The following NRCAM variants were observed in gnomAD, a reference collection of about 807,000 sequenced individuals.
NRCAM encodes neuronal cell adhesion molecule.
Under a neutral mutation model 156.5 loss-of-function variants are expected in NRCAM, and 83 were observed. The ratio of observed to expected loss-of-function variants is 0.53; its 90% CI spans 0.44 to 0.64. The LOEUF (loss-of-function observed/expected upper bound fraction) is 0.64, where lower values mean the gene tolerates loss of function less well. Ranked by LOEUF, NRCAM falls within the 30% of genes least tolerant of loss-of-function variation. NRCAM has a pLI of 0.00. For synonymous variants in NRCAM, 538 were observed against 563.9 expected, an observed-to-expected ratio of 0.95 and a Z score of 0.65; for missense variants, 1,417 against 1,597.3, an observed-to-expected ratio of 0.89 and a Z score of 1.92.
chr7:108,159,739 T>C (rs1385693445), intron 31 of NRCAM, among the ~76,000 whole-genome samples, 198 bp from the exon 32 acceptor site: 1 of 152,170 alleles, frequency 6.6e-6, no homozygotes, highest in Non-Finnish European at 1.5e-5. Context: ...AGAATGTACA[T>C]TTTTTAACAC....
intron 2 of NRCAM, 78 bp from the exon 3 acceptor site, chr7:108,312,809 TCCAA>T (rs1477612834): frequency 6.6e-6 from 1 of 152,094 alleles, no homozygotes; most frequent in African/African-American, 2.4e-5. Context: ...ATATATTAAC[TCCAA>T]CTGGCTCTCT....
rs770894721 is a variant in NRCAM at position 108,430,909 on chromosome 7, T to C, written c.-332+25334A>G. Among the ~76,000 whole-genome samples the C allele has an allele frequency of 3.8e-4, 58 of 152,246 alleles. No homozygotes were observed. The Middle Eastern group carries it at 0.01, about 27-fold the overall frequency. ...CTCCAGCACCCAACCCATACTGCAC[T>C]GTAAGGTTTTGCTTGCAGGTTCCTC... On this transcript the variant is annotated intron_variant, in intron 1 of 32. Coordinates refer to ENST00000379028, the MANE Select transcript of NRCAM (RefSeq NM_001037132.4).
At chr7:108,157,566 T>G (rs1333080772) in intron 32 of NRCAM, among the ~76,000 whole-genome samples, 1 of 152,090 alleles carries the variant, frequency 6.6e-6, no homozygotes, top group Admixed American at 6.6e-5. Flanking sequence ...TCAACCTCCA[T>G]TTTTTAGAAC....
chr7:108,322,519 C>T (rs986570040), intron 2 of NRCAM, among the ~76,000 whole-genome samples: 7 of 152,150 alleles, frequency 4.6e-5, no homozygotes, highest in Admixed American at 2.6e-4. Flanking sequence ...GTTTTAGTTA[C>T]ACTGATTTTT....
At chr7:108,416,942 C>T (rs1007931945) in intron 1 of NRCAM, among the ~76,000 whole-genome samples, 3 of 152,146 alleles carry the variant, frequency 2.0e-5, no homozygotes, top group Non-Finnish European at 4.4e-5. Context: ...TGTTCATTTC[C>T]CTGAGCAATT....
At chr7:108,276,981 C>T (rs2097656269) in intron 3 of NRCAM, among the ~76,000 whole-genome samples, 2 of 152,108 alleles carry the variant, frequency 1.3e-5, no homozygotes, top group African/African-American at 2.4e-5. Context: ...TTTTATGTCT[C>T]CTTCACTTTT....
At chr7:108,230,213 CCT>C (rs1289088839) in intron 8 of NRCAM, among the ~76,000 whole-genome samples, 1 of 151,694 alleles carries the variant, frequency 6.6e-6, no homozygotes, top group African/African-American at 2.4e-5. Context: ...ATCCTTGATT[CCT>C]CTCTCTCATG....
At position 108,303,381 on chromosome 7, in the gene NRCAM, G is replaced by A. The variant is rs140988041; in HGVS notation, c.-107+9284C>T. On this transcript the variant is annotated intron_variant, in intron 3 of 32. Transcript: ENST00000379028. ...TCAGTTGGCAAATATACTGTGTACCGTCTCCTCTTCAGCCCCTCTGCTAGG... is the reference window on the plus strand; with the variant it reads ...TCAGTTGGCAAATATACTGTGTACCATCTCCTCTTCAGCCCCTCTGCTAGG... Among the ~76,000 whole-genome samples the A allele has an allele frequency of 2.8e-3, 423 of 152,116 alleles. 1 individual carries two copies. The highest frequency in any genetic ancestry group is 9.6e-3 in the African/African-American group (397 of 41,502).
chr7:108,360,336 TTAAC>T (rs2099540956), intron 2 of NRCAM, among the ~76,000 whole-genome samples: 3 of 152,148 alleles, frequency 2.0e-5, no homozygotes. Context: ...GCAAGATTAA[TTAAC>T]TGCTGAAAAT....
rs115784913 is a variant in NRCAM, at chr7:108,223,186, A to C, written c.890+539T>G. Among the ~76,000 whole-genome samples the C allele has an allele frequency of 4.8e-3, 726 of 152,304 alleles. 9 individuals are homozygous for C. The highest frequency in any genetic ancestry group is 0.017 in the African/African-American group (699 of 41,554). ...TTATGGCCATCAACTCAGATGCCCCAGTTAACAGCCAGTAGACCCCAAGAG... is the reference window on the plus strand; with the variant it reads ...TTATGGCCATCAACTCAGATGCCCCCGTTAACAGCCAGTAGACCCCAAGAG... On this transcript the variant is annotated intron_variant, in intron 11 of 32. Coordinates refer to ENST00000379028, the MANE Select transcript of NRCAM (RefSeq NM_001037132.4).
intron 2 of NRCAM, among the ~76,000 whole-genome samples, chr7:108,349,335 C>T (rs1169927795): frequency 1.3e-5 from 2 of 151,174 alleles, no homozygotes. Context: ...GTGGCATGAT[C>T]CCGGCTCACT....
Position 108,159,241 on chromosome 7 carries a change from C to T in NRCAM, c.3677+222G>A, listed in dbSNP as rs750332126. On this transcript the variant is annotated intron_variant, in intron 32 of 32. Coordinates refer to ENST00000379028, the MANE Select transcript of NRCAM (RefSeq NM_001037132.4). ...AAAATATGACAAAGTGGGAGACATT[C>T]CATCTCCAAAATTATGACTAAAATC... 13 of 697,670 alleles carry T rather than the reference C, an allele frequency of 1.9e-5. No homozygotes were observed. In the Admixed American group the frequency reaches 2.3e-4, roughly 12 times the overall value. 43.2% of individuals were successfully genotyped at this position (697,670 alleles called of 1,614,324 possible).
At position 108,311,944 on chromosome 7, in the gene NRCAM, A is replaced by G. The variant is rs10248045; in HGVS notation, c.-107+721T>C. 4.3e-3 allele frequency among the ~76,000 whole-genome samples: 658 copies of G among 152,284 alleles called. 4 individuals are homozygous for G. Among genetic ancestry groups the G allele is most frequent in the African/African-American group, 0.015 (626 of 41,562 alleles). Reference sequence around the variant, plus strand: ...GCTCTCATAATTCCTTAAAAAAGCTATTATTGGTTGAGATACAGTTCTCTG... The same window carrying G: ...GCTCTCATAATTCCTTAAAAAAGCTGTTATTGGTTGAGATACAGTTCTCTG... On this transcript the variant is annotated intron_variant, in intron 3 of 32. Coordinates refer to ENST00000379028, the MANE Select transcript of NRCAM (RefSeq NM_001037132.4).
At chr7:108,436,620 A>G (rs1032055195) in intron 1 of NRCAM, among the ~76,000 whole-genome samples, 29 of 152,330 alleles carry the variant, frequency 1.9e-4, no homozygotes, top group African/African-American at 6.7e-4. Flanking sequence ...AAATTTTTTC[A>G]TAACAAAATT....
intron 4 of NRCAM, among the ~76,000 whole-genome samples, chr7:108,237,978 C>G (rs2095243222): frequency 6.6e-6 from 1 of 152,212 alleles, no homozygotes; most frequent in Admixed American, 6.5e-5. Flanking sequence ...CTTGCAGCAG[C>G]TTTCCCACAT....
chr7:108,155,141 CACAT>C (rs199765966), intron 32 of NRCAM, among the ~76,000 whole-genome samples: 5,058 of 114,210 alleles, frequency 0.044, 135 homozygotes, highest in Middle Eastern at 0.12. Context: ...CACACACACA[CACAT>C]ATAGCAGACC....
chr7:108,254,469 G>C (rs146168572), intron 3 of NRCAM, among the ~76,000 whole-genome samples: 109 of 152,204 alleles, frequency 7.2e-4, no homozygotes, highest in African/African-American at 2.5e-3. Context: ...TCCAGTGTTG[G>C]TGAGGCTGTG....
At chr7:108,379,738 C>T (rs2154355950) in intron 2 of NRCAM, among the ~76,000 whole-genome samples, 1 of 151,950 alleles carries the variant, frequency 6.6e-6, no homozygotes, top group South Asian at 2.1e-4. Flanking sequence ...TTTTACTTTA[C>T]AAATTTTTTT....
intron 3 of NRCAM, among the ~76,000 whole-genome samples, chr7:108,281,858 G>A (rs2154091776): frequency 6.6e-6 from 1 of 152,340 alleles, no homozygotes; most frequent in East Asian, 1.9e-4. Flanking sequence ...GAGTGTTTCA[G>A]GAATTCAAAT....
Sources: allele counts gnomAD v4.1 joint callset (sites outside exome capture counted in the v4.1 genomes callset), GRCh38; gene constraint gnomAD v4.1.1; transcripts MANE v1.5; gene names NCBI Gene and HGNC (gene_info 2026-07-23, HGNC 2026-07-21).